Variants in SPRED2 observed in about 807,000 individuals in gnomAD.
The protein encoded by SPRED2 is sprouty related EVH1 domain containing 2.
A neutral mutation model predicts 43.0 loss-of-function variants in SPRED2; 47 were observed. The observed-to-expected ratio is 1.09, with a 90% confidence interval of 0.87 to 1.40. The LOEUF (loss-of-function observed/expected upper bound fraction) is 1.40. SPRED2 is among the 40% of genes most tolerant of loss of function. The pLI, the probability that SPRED2 is intolerant of heterozygous loss-of-function variation, is 0.00. For missense variants in SPRED2, 561 were observed against 586.4 expected (o/e 0.96, Z 0.45); for synonymous variants, 225 against 225.7 (o/e 1.00, Z 0.03).
At chr2:65,339,534 C>T (rs1032482319) in intron 2 of SPRED2, among the ~76,000 whole-genome samples, 1 of 150,406 alleles carries the variant, frequency 6.6e-6, no homozygotes, top group African/African-American at 2.5e-5. Context: ...GCAGCATGCT[C>T]GTTAAGAGTC....
At chr2:65,362,903 C>T (rs1211283374) in intron 1 of SPRED2, among the ~76,000 whole-genome samples, 5 of 149,854 alleles carry the variant, frequency 3.3e-5, no homozygotes, top group Admixed American at 6.6e-5. Flanking sequence ...CGGCTGGGCA[C>T]GGTGGCTCAT....
intron 4 of SPRED2, among the ~76,000 whole-genome samples, chr2:65,317,141 C>T (rs929601005): frequency 2.6e-5 from 4 of 152,108 alleles, no homozygotes; most frequent in East Asian, 1.9e-4. Flanking sequence ...TTCTTAAATG[C>T]GGGAATAGTG....
At chr2:65,310,847 G>T (rs140929168), downstream of SPRED2, 440 of 984,650 alleles carry the variant, frequency 4.5e-4, no homozygotes, top group Middle Eastern at 0.013. Flanking sequence ...CCCAAAGCCA[G>T]CGATCTGATA....
chr2:65,345,995 T>TGAATGAGTAAATG (rs1363045053), intron 1 of SPRED2, among the ~76,000 whole-genome samples: 1 of 152,206 alleles, frequency 6.6e-6, no homozygotes, highest in Non-Finnish European at 1.5e-5. Flanking sequence ...AACATATATT[T>TGAATGAGTAAATG]GCGTGTTGTA....
chr2:65,355,483 G>A (rs746819408), intron 1 of SPRED2, among the ~76,000 whole-genome samples: 4 of 152,118 alleles, frequency 2.6e-5, no homozygotes, highest in Non-Finnish European at 5.9e-5. Flanking sequence ...TTGGGGGGAC[G>A]AGGCAGGTGG....
rs528642856 is a variant in SPRED2 at position 65,312,752 on chromosome 2, C to T, written c.*749G>A. The stretch of plus-strand genomic sequence containing the variant: ...TGCAGTTGAAGGAATTTTCCTGATT[C>T]TCACAAGTTAATCTGAAGTTAAGGC... On this transcript the variant is annotated 3_prime_UTR_variant, in exon 6 of 6. Coordinates refer to ENST00000356388, the MANE Select transcript of SPRED2 (RefSeq NM_181784.3). 8.5e-5 allele frequency: 84 copies of T among 985,860 alleles called. No homozygotes were observed. The African/African-American group carries it at 1.4e-3, about 17-fold the overall frequency. 61.1% of individuals were successfully genotyped at this position (985,860 alleles called of 1,614,324 possible). A position where few individuals can be genotyped will look rare whatever the true frequency, so the allele number is the denominator to read the frequency against.
At chr2:65,377,308 A>C (rs1355664515) in intron 1 of SPRED2, among the ~76,000 whole-genome samples, 1 of 152,264 alleles carries the variant, frequency 6.6e-6, no homozygotes, top group Non-Finnish European at 1.5e-5. Flanking sequence ...GCCCTTCTAA[A>C]GAAGAAAAAA....
chr2:65,412,776 C>T (rs1181118874), intron 1 of SPRED2, among the ~76,000 whole-genome samples: 1 of 152,156 alleles, frequency 6.6e-6, no homozygotes, highest in Non-Finnish European at 1.5e-5. Context: ...ATGATCTTCA[C>T]ATTTTGGCCC....
chr2:65,376,575 T>C (rs921634113), intron 1 of SPRED2, among the ~76,000 whole-genome samples: 6 of 152,204 alleles, frequency 3.9e-5, no homozygotes, highest in Admixed American at 1.3e-4. Flanking sequence ...GTGGTACCCA[T>C]TTCTTAAAGG....
intron 2 of SPRED2, among the ~76,000 whole-genome samples, chr2:65,338,150 C>T (rs1009272461): frequency 3.5e-5 from 5 of 141,550 alleles, no homozygotes; most frequent in African/African-American, 1.5e-4. Flanking sequence ...GTCCCTCTCC[C>T]TCTCCCGTCT....
chr2:65,397,621 T>G (rs1675787429), intron 1 of SPRED2, among the ~76,000 whole-genome samples: 1 of 151,600 alleles, frequency 6.6e-6, no homozygotes. Context: ...TTTTTTTTTT[T>G]TTTTTGCCCT....
intron 1 of SPRED2, among the ~76,000 whole-genome samples, chr2:65,408,881 A>G (rs1343662072): frequency 6.6e-6 from 1 of 152,128 alleles, no homozygotes; most frequent in Non-Finnish European, 1.5e-5. Flanking sequence ...ACCTGGCTCT[A>G]AAGTTCTTAA....
chr2:65,353,488 T>C (rs1674568081), intron 1 of SPRED2, among the ~76,000 whole-genome samples: 1 of 152,234 alleles, frequency 6.6e-6, no homozygotes, highest in African/African-American at 2.4e-5. Flanking sequence ...TATCAATCAT[T>C]CTTCAGAACC....
At chr2:65,414,576 A>G (rs1254898281) in intron 1 of SPRED2, among the ~76,000 whole-genome samples, 5 of 152,190 alleles carry the variant, frequency 3.3e-5, no homozygotes, top group African/African-American at 1.2e-4. Flanking sequence ...CACCACCCAC[A>G]ACTAAGACCC....
chr2:65,384,975 CTTTT>C (rs35418849), intron 1 of SPRED2, among the ~76,000 whole-genome samples: 3 of 139,840 alleles, frequency 2.1e-5, no homozygotes, highest in East Asian at 4.2e-4. Context: ...TCCACTTCTT[CTTTT>C]TTTTTTTTTT....
intron 1 of SPRED2, among the ~76,000 whole-genome samples, chr2:65,418,125 T>C (rs1291913260): frequency 1.3e-5 from 2 of 152,238 alleles, no homozygotes; most frequent in East Asian, 3.8e-4. Flanking sequence ...GAATTATTAG[T>C]GGTCTCCCTG....
Position 65,421,050 on chromosome 2 carries a change from G to T in SPRED2, c.26+10912C>A, listed in dbSNP as rs542813343. ...CTTTCCGTGCATACATGACTGATTT[G>T]TCTGACAGTCAGACATTACACATAC... On this transcript the variant is annotated intron_variant, in intron 1 of 5. Coordinates refer to ENST00000356388, the MANE Select transcript of SPRED2 (RefSeq NM_181784.3). Among the ~76,000 whole-genome samples, 34 of 152,228 alleles carry T rather than the reference G, an allele frequency of 2.2e-4. 1 individual carries two copies. In the South Asian group the frequency reaches 7.0e-3, roughly 32 times the overall value.
At position 65,331,926 on chromosome 2, in the gene SPRED2, C is replaced by T. The variant is rs893880033; in HGVS notation, c.438+61G>A. ...GCAAAGTGTGCCTCATGCCCTTAAA[C>T]AAAACCTTTCTCTGATTATTCAACA... On this transcript the variant is annotated intron_variant, in intron 4 of 5. Transcript: ENST00000356388. 6 of 1,384,432 alleles carry T rather than the reference C, an allele frequency of 4.3e-6. No homozygotes were observed. The African/African-American group carries it at 8.7e-5, about 20-fold the overall frequency. 85.8% of individuals were successfully genotyped at this position (1,384,432 alleles called of 1,614,324 possible).
chr2:65,377,450 C>T (rs532240342), intron 1 of SPRED2, among the ~76,000 whole-genome samples: 1 of 152,336 alleles, frequency 6.6e-6, no homozygotes, highest in South Asian at 2.1e-4. Context: ...ATTCTCCATC[C>T]TTATCCTCCT....
Sources: allele counts gnomAD v4.1 joint callset (sites outside exome capture counted in the v4.1 genomes callset), GRCh38; gene constraint gnomAD v4.1.1; transcripts MANE v1.5; gene names NCBI Gene and HGNC (gene_info 2026-07-23, HGNC 2026-07-21).